The following ITCH variants were observed in gnomAD, a reference collection of about 807,000 sequenced individuals.
The protein encoded by ITCH is E3 ubiquitin-protein ligase Itchy homolog.
Under a neutral mutation model 126.8 loss-of-function variants are expected in ITCH, and 28 were observed. The ratio of observed to expected loss-of-function variants is 0.22; its 90% CI spans 0.16 to 0.30. ITCH has a LOEUF of 0.30. ITCH is among the 10% of genes least tolerant of loss of function. The probability of loss-of-function intolerance (pLI) is 1.00; values close to 1 mark genes in which losing one functional copy is unlikely to be tolerated. For missense variants in ITCH, 631 were observed against 1,032.4 expected, an observed-to-expected ratio of 0.61 and a Z score of 5.33; for synonymous variants, 342 against 340.0, an observed-to-expected ratio of 1.01 and a Z score of -0.06.
At chr20:34,475,248 G>A (rs985841703) in intron 16 of ITCH, among the ~76,000 whole-genome samples, 37 of 152,300 alleles carry the variant, frequency 2.4e-4, no homozygotes, top group African/African-American at 7.2e-4. Context: ...CTTCCCAGAC[G>A]TGGTGGCGGC....
chr20:34,374,619 C>CAAGG (rs2123007315), intron 2 of ITCH, among the ~76,000 whole-genome samples: 1 of 152,126 alleles, frequency 6.6e-6, no homozygotes, highest in South Asian at 2.1e-4. Flanking sequence ...TAAATGCCTG[C>CAAGG]AAGGGCTGGA....
intron 2 of ITCH, among the ~76,000 whole-genome samples, chr20:34,387,267 C>T (rs1360866347): frequency 2.0e-5 from 3 of 150,684 alleles, no homozygotes; most frequent in African/African-American, 7.3e-5. Flanking sequence ...TGCGCCCCTG[C>T]ACTCCAGCCT....
chr20:34,492,478 C>G (rs1989585591), intron 22 of ITCH, 23 bp from the exon 23 acceptor site: 1 of 1,271,218 alleles, frequency 7.9e-7, no homozygotes, highest in African/African-American at 1.5e-5. Flanking sequence ...ACATATATAT[C>G]TCTTTAAATA....
At chr20:34,456,919 GAAA>G (rs985108865) in intron 12 of ITCH, among the ~76,000 whole-genome samples, 2 of 141,006 alleles carry the variant, frequency 1.4e-5, no homozygotes, top group East Asian at 2.0e-4. Context: ...ATGTAGTATG[GAAA>G]AAAAAAAAAT....
Position 34,470,135 on chromosome 20 carries a change from T to C in ITCH, c.1497+15T>C. ...TCTGGTGTCAGGTTAGTATTGGAACTGTATCTCTGTACTGCCTTAACTTTG... is the reference window on the plus strand; with the variant it reads ...TCTGGTGTCAGGTTAGTATTGGAACCGTATCTCTGTACTGCCTTAACTTTG... On this transcript the variant is annotated intron_variant, in intron 15 of 24. Transcript: ENST00000374864. The C allele has an allele frequency of 6.3e-7, 1 of 1,591,166 alleles. No homozygotes were observed. The highest frequency in any genetic ancestry group is 1.7e-5 in the Admixed American group (1 of 59,454).
At chr20:34,365,613 C>T (rs2037392605) in intron 1 of ITCH, among the ~76,000 whole-genome samples, 1 of 152,110 alleles carries the variant, frequency 6.6e-6, no homozygotes, top group Admixed American at 6.6e-5. Flanking sequence ...GATGGGTTTT[C>T]ACCATATTGG....
In ITCH at chr20:34,386,176, A is replaced by T. The variant is rs116122019; in HGVS notation, c.-21-7615A>T. Among the ~76,000 whole-genome samples, 1,155 of 151,166 alleles carry T rather than the reference A, an allele frequency of 7.6e-3. 17 individuals carry two copies. Among genetic ancestry groups the T allele is most frequent in the African/African-American group, 0.027 (1,091 of 41,100 alleles). The stretch of plus-strand genomic sequence containing the variant: ...GGCTGTAGTGCAGTGGTGTGATCTC[A>T]GCTCATGGCAGTCTCTGCCTCCTGG... On this transcript the variant is annotated intron_variant, in intron 2 of 24. Coordinates refer to ENST00000374864, the MANE Select transcript of ITCH (RefSeq NM_031483.7).
chr20:34,504,659 C>G (rs1308863993), intron 24 of ITCH, among the ~76,000 whole-genome samples: 5 of 152,000 alleles, frequency 3.3e-5, no homozygotes, highest in African/African-American at 1.2e-4. Context: ...CTGAGGGCAG[C>G]AAAAGAAAGT....
chr20:34,455,077 G>A (rs1339259997), intron 12 of ITCH, among the ~76,000 whole-genome samples: 1 of 152,012 alleles, frequency 6.6e-6, no homozygotes, highest in African/African-American at 2.4e-5. Context: ...CCATCCGCCT[G>A]CCTTATAACT....
In ITCH at chr20:34,445,701, T is replaced by G. The variant is rs560639726; in HGVS notation, c.1140+240T>G. Among the ~76,000 whole-genome samples the G allele has an allele frequency of 2.6e-5, 4 of 152,260 alleles. No homozygotes were observed. The East Asian group carries it at 7.7e-4, about 29-fold the overall frequency. ...TTTAATGTCAAAAATAAGCAAAAAA[T>G]AAGTTAGGACAACTTAAAATTCATG... On this transcript the variant is annotated intron_variant, in intron 11 of 24. Transcript: ENST00000374864.
chr20:34,455,996 G>A (rs1231623170), intron 12 of ITCH, among the ~76,000 whole-genome samples: 2 of 151,134 alleles, frequency 1.3e-5, no homozygotes, highest in East Asian at 3.9e-4. Flanking sequence ...GGTATATTAA[G>A]GAACGAGATA....
At chr20:34,476,774 G>A (rs888656227) in intron 16 of ITCH, 6 of 173,890 alleles carry the variant, frequency 3.5e-5, no homozygotes, top group Admixed American at 6.3e-5. Flanking sequence ...ACTCAATAAA[G>A]TATAGGCATT....
rs373174568 is a variant in ITCH at position 34,511,594 on chromosome 20, A to G, written c.*3800A>G. On this transcript the variant is annotated 3_prime_UTR_variant, in exon 25 of 25. Transcript: ENST00000374864. ...TTGGACTGCTTATTCTCGCAGCCCA[A>G]TAATGAGGTGCAGATGAACTGAGAA... Among the ~76,000 whole-genome samples, 58 of 152,344 alleles carry G rather than the reference A, an allele frequency of 3.8e-4. No homozygotes were observed. The South Asian group carries it at 7.9e-3, about 21-fold the overall frequency.
intron 4 of ITCH, among the ~76,000 whole-genome samples, chr20:34,410,845 A>AC (rs1978929769): frequency 6.6e-6 from 1 of 152,050 alleles, no homozygotes; most frequent in Non-Finnish European, 1.5e-5. Context: ...AATGTCATGA[A>AC]CTTCTTAGTG....
At chr20:34,392,250 C>T (rs2038515255) in intron 2 of ITCH, among the ~76,000 whole-genome samples, 1 of 152,064 alleles carries the variant, frequency 6.6e-6, no homozygotes, top group Non-Finnish European at 1.5e-5. Flanking sequence ...TTCTGGATGA[C>T]TTCTATTGAC....
chr20:34,408,939 C>T, intron 4 of ITCH, 147 bp downstream of exon 4: 9 of 801,040 alleles, frequency 1.1e-5, no homozygotes, highest in Admixed American at 8.8e-5. Flanking sequence ...TCCTAGGACT[C>T]CTTCTGGTTT....
intron 23 of ITCH, among the ~76,000 whole-genome samples, chr20:34,499,272 C>CTTTTTTTTTTTTTTTTTTT: frequency 4.3e-5 from 1 of 23,028 alleles, no homozygotes; most frequent in Non-Finnish European, 7.6e-5. Context: ...CTGTGCCCAG[C>CTTTTTTTTTTTTTTTTTTT]TTTTTTTTTT....
At chr20:34,475,539 T>C (rs995308502) in intron 16 of ITCH, among the ~76,000 whole-genome samples, 9 of 151,846 alleles carry the variant, frequency 5.9e-5, no homozygotes, top group Admixed American at 5.2e-4. Context: ...CCTGCAATCG[T>C]AGGCACTGGG....
chr20:34,438,401 T>C, intron 7 of ITCH, 73 bp from the exon 8 acceptor site: 1 of 1,499,542 alleles, frequency 6.7e-7, no homozygotes. Flanking sequence ...ATCCTCCTGC[T>C]GTTTTTTTTC....
Sources: allele counts gnomAD v4.1 joint callset (sites outside exome capture counted in the v4.1 genomes callset), GRCh38; gene constraint gnomAD v4.1.1; transcripts MANE v1.5; gene names NCBI Gene and HGNC (gene_info 2026-07-23, HGNC 2026-07-21).